The following NRXN3 variants were observed in gnomAD, a reference collection of about 807,000 sequenced individuals.
NRXN3 encodes the protein neurexin 3.
Under a neutral mutation model 137.6 loss-of-function variants are expected in NRXN3, and 32 were observed. That is an observed-to-expected ratio of 0.23 (90% CI 0.18 to 0.31). The LOEUF is 0.31. Ranked by LOEUF, NRXN3 falls within the 10% of genes least tolerant of loss-of-function variation. NRXN3 has a pLI of 1.00. For missense variants in NRXN3, 1,574 were observed against 2,062.5 expected (o/e 0.76, Z 4.59); for synonymous variants, 798 against 784.5 (o/e 1.02, Z -0.29).
intron 15 of NRXN3, among the ~76,000 whole-genome samples, chr14:79,340,049 G>A (rs1368381480): frequency 6.6e-6 from 1 of 152,016 alleles, no homozygotes; most frequent in Non-Finnish European, 1.5e-5. Flanking sequence ...TCACAGTATG[G>A]CATTAGATTG....
intron 15 of NRXN3, among the ~76,000 whole-genome samples, chr14:79,065,955 C>A (rs2099680180): frequency 6.6e-6 from 1 of 152,078 alleles, no homozygotes; most frequent in South Asian, 2.1e-4. Flanking sequence ...CTGATGCTCT[C>A]CCTCTGCCTC....
intron 4 of NRXN3, among the ~76,000 whole-genome samples, chr14:78,421,470 C>T (rs926193755): frequency 5.3e-5 from 8 of 151,886 alleles, no homozygotes; most frequent in South Asian, 2.1e-4. Flanking sequence ...TTAAAAACTA[C>T]GTTTTAGGAG....
intron 15 of NRXN3, among the ~76,000 whole-genome samples, chr14:79,063,369 T>C (rs532219707): frequency 6.6e-6 from 1 of 152,234 alleles, no homozygotes; most frequent in East Asian, 1.9e-4. Flanking sequence ...CTGCAACCTC[T>C]GCCTCCCGGG....
chr14:78,307,733 C>T (rs2153538997), intron 4 of NRXN3, among the ~76,000 whole-genome samples: 1 of 152,226 alleles, frequency 6.6e-6, no homozygotes, highest in African/African-American at 2.4e-5. Flanking sequence ...AAAAGTGCTG[C>T]ATCTTTCATT....
At chr14:78,437,347 CTT>C (rs201830022) in intron 4 of NRXN3, among the ~76,000 whole-genome samples, 3,722 of 143,416 alleles carry the variant, frequency 0.026, 59 homozygotes, top group Non-Finnish European at 0.035. Flanking sequence ...TTTTCTTTTT[CTT>C]TTTTTTTTTT....
chr14:79,812,192 G>A (rs2099236582), intron 20 of NRXN3, among the ~76,000 whole-genome samples: 2 of 152,072 alleles, frequency 1.3e-5, no homozygotes, highest in Non-Finnish European at 2.9e-5. Flanking sequence ...GGAGAGCGAG[G>A]CAGGGGAATC....
intron 10 of NRXN3, among the ~76,000 whole-genome samples, chr14:78,813,321 T>C (rs957950213): frequency 4.6e-5 from 7 of 152,180 alleles, no homozygotes; most frequent in Non-Finnish European, 7.3e-5. Context: ...TCAGATTTCA[T>C]AGCTTGACCT....
intron 10 of NRXN3, among the ~76,000 whole-genome samples, chr14:78,934,061 G>C (rs2099328936): frequency 6.8e-6 from 1 of 147,930 alleles, no homozygotes; most frequent in South Asian, 2.2e-4. Context: ...TGCTATCAAA[G>C]ATTTACTGCT....
rs1167151687 is a variant in NRXN3 at position 78,467,733 on chromosome 14, A to G, written c.757+169873A>G. Among the ~76,000 whole-genome samples, 4 of 152,238 alleles carry G rather than the reference A, an allele frequency of 2.6e-5. No homozygotes were observed. The East Asian group carries it at 7.7e-4, about 29-fold the overall frequency. On this transcript the variant is annotated intron_variant, in intron 4 of 20. Coordinates refer to ENST00000335750, the MANE Select transcript of NRXN3 (RefSeq NM_001330195.2). ...ATGCAAGTGCAAGCATTGAAACTGC[A>G]TAGCAGGACTCAATTATGTAGTGGT...
intron 8 of NRXN3, among the ~76,000 whole-genome samples, chr14:78,789,067 T>A (rs2098797700): frequency 6.6e-6 from 1 of 152,222 alleles, no homozygotes; most frequent in South Asian, 2.1e-4. Context: ...TTTGAAATTT[T>A]ATAACATGTT....
chr14:79,462,778 TTTTG>T (rs2096364841), intron 15 of NRXN3, among the ~76,000 whole-genome samples: 1 of 144,994 alleles, frequency 6.9e-6, no homozygotes, highest in Non-Finnish European at 1.5e-5. Context: ...ACTGAACCTT[TTTTG>T]TTTTTCACAC....
chr14:79,469,891 T>C (rs2096477843), intron 16 of NRXN3, among the ~76,000 whole-genome samples: 1 of 152,218 alleles, frequency 6.6e-6, no homozygotes, highest in Non-Finnish European at 1.5e-5. Flanking sequence ...CTCATCATAC[T>C]TGAAAGTAAA....
At chr14:79,108,682 T>G (rs1307682446) in intron 15 of NRXN3, among the ~76,000 whole-genome samples, 4 of 152,090 alleles carry the variant, frequency 2.6e-5, no homozygotes, top group Non-Finnish European at 5.9e-5. Flanking sequence ...TGGAATAAAA[T>G]TTTTCCTAAA....
intron 1 of NRXN3, among the ~76,000 whole-genome samples, chr14:78,234,076 T>C (rs1209399342): frequency 1.3e-5 from 2 of 152,186 alleles, no homozygotes. Context: ...AAAGAGGAGT[T>C]CCCCTGCACA....
chr14:78,409,306 CTT>C (rs33987785), intron 4 of NRXN3, among the ~76,000 whole-genome samples: 64,286 of 151,956 alleles, frequency 0.42, 13,841 homozygotes, highest in Middle Eastern at 0.59. Flanking sequence ...CTATAAGACT[CTT>C]AACCCTGTTT....
At chr14:79,529,414 C>T (rs1366205804) in intron 16 of NRXN3, among the ~76,000 whole-genome samples, 5 of 152,182 alleles carry the variant, frequency 3.3e-5, no homozygotes, top group Non-Finnish European at 2.9e-5. Flanking sequence ...GGCCTGGCGC[C>T]GGGCTGCCTG....
chr14:79,189,368 C>G (rs1353773804), intron 15 of NRXN3, among the ~76,000 whole-genome samples: 1 of 127,698 alleles, frequency 7.8e-6, no homozygotes, highest in Non-Finnish European at 1.5e-5. Flanking sequence ...AGGGGAACAT[C>G]ACACTCTGGG....
At position 79,787,588 on chromosome 14, in the gene NRXN3, ACT is replaced by A. The variant is rs1381662986; in HGVS notation, c.4015-17519_4015-17518del. ...CTCAGCCTCTGATAACCACCACTCT[ACT>A]CTCTATTTCTGTGAGTTTGACTTTT... On this transcript the variant is annotated intron_variant, in intron 19 of 20. Transcript: ENST00000335750. Among the ~76,000 whole-genome samples the A allele has an allele frequency of 4.0e-5, 6 of 151,318 alleles. No homozygotes were observed. In the East Asian group the frequency reaches 1.2e-3, roughly 29 times the overall value.
chr14:79,449,805 C>T (rs2096133262), intron 15 of NRXN3, among the ~76,000 whole-genome samples: 1 of 152,022 alleles, frequency 6.6e-6, no homozygotes, highest in Admixed American at 6.5e-5. Context: ...GCCTGGCTAA[C>T]ATGGTGAAAC....
Sources: gnomAD v4.1 joint callset for allele counts (sites outside exome capture counted in the v4.1 genomes callset) on GRCh38, gnomAD v4.1.1 for gene constraint, MANE v1.5 for transcripts, NCBI Gene and HGNC (gene_info 2026-07-23, HGNC 2026-07-21) for gene names.